Variants in GPC5 observed in about 807,000 individuals in gnomAD.
GPC5 encodes glypican 5.
In GPC5, 47 loss-of-function variants were observed where a neutral mutation model predicts 53.9. The observed-to-expected ratio is 0.87, with a 90% confidence interval of 0.69 to 1.11. GPC5 has a LOEUF of 1.11. GPC5 is among the 50% of genes most tolerant of loss of function. The pLI, the probability that GPC5 is intolerant of heterozygous loss-of-function variation, is 0.00. For missense variants in GPC5, 748 were observed against 713.1 expected (o/e 1.05, Z -0.56); for synonymous variants, 286 against 263.3 (o/e 1.09, Z -0.84).
At chr13:92,404,597 C>A (rs752554615) in intron 7 of GPC5, among the ~76,000 whole-genome samples, 2 of 131,278 alleles carry the variant, frequency 1.5e-5, no homozygotes, top group Non-Finnish European at 3.4e-5. Flanking sequence ...AACAAATATT[C>A]GGTTAATAAA....
intron 5 of GPC5, among the ~76,000 whole-genome samples, chr13:91,854,999 A>T (rs2138899028): frequency 6.6e-6 from 1 of 151,944 alleles, no homozygotes; most frequent in South Asian, 2.1e-4. Context: ...ATGTGAATAC[A>T]TGTATTAAAT....
chr13:92,829,433 T>C (rs1251170724), intron 7 of GPC5, among the ~76,000 whole-genome samples: 1 of 152,348 alleles, frequency 6.6e-6, no homozygotes, highest in South Asian at 2.1e-4. Context: ...AAGATTCATT[T>C]ACTGTTTTCT....
chr13:92,486,599 A>G (rs1879563462), intron 7 of GPC5, among the ~76,000 whole-genome samples: 1 of 152,178 alleles, frequency 6.6e-6, no homozygotes, highest in Admixed American at 6.5e-5. Context: ...TCAACTTTAA[A>G]TTTGTCTTTT....
intron 7 of GPC5, among the ~76,000 whole-genome samples, chr13:92,248,840 T>C (rs929506215): frequency 5.9e-5 from 9 of 152,080 alleles, no homozygotes; most frequent in African/African-American, 2.2e-4. Context: ...TTTTTATTCA[T>C]TATTTTCACT....
intron 7 of GPC5, among the ~76,000 whole-genome samples, chr13:92,760,855 ATTGT>A (rs1332069094): frequency 1.3e-5 from 2 of 152,022 alleles, no homozygotes; most frequent in East Asian, 1.9e-4. Flanking sequence ...CATTTCTATT[ATTGT>A]TTGTTTCAAG....
At chr13:91,670,822 G>A (rs932684891) in intron 2 of GPC5, among the ~76,000 whole-genome samples, 1 of 152,268 alleles carries the variant, frequency 6.6e-6, no homozygotes, top group South Asian at 2.1e-4. Context: ...AGACAGTTCT[G>A]AAAACTGAAC....
chr13:91,676,519 G>A (rs117194791), intron 2 of GPC5, among the ~76,000 whole-genome samples: 3 of 152,296 alleles, frequency 2.0e-5, no homozygotes, highest in Non-Finnish European at 4.4e-5. Flanking sequence ...ATCCTGGGTA[G>A]CAACTTAGAG....
intron 6 of GPC5, among the ~76,000 whole-genome samples, chr13:92,127,411 CA>C (rs1397047432): frequency 3.3e-5 from 5 of 151,448 alleles, no homozygotes; most frequent in African/African-American, 9.7e-5. Flanking sequence ...TGAACTTATA[CA>C]GGGTAAAAAA....
At chr13:92,667,269 A>G (rs1284882806) in intron 7 of GPC5, among the ~76,000 whole-genome samples, 2 of 152,110 alleles carry the variant, frequency 1.3e-5, no homozygotes, top group Non-Finnish European at 2.9e-5. Flanking sequence ...TGAAGCTACT[A>G]AAAAGAGAGG....
At chr13:91,714,306 G>T (rs565806784) in intron 3 of GPC5, among the ~76,000 whole-genome samples, 1 of 152,246 alleles carries the variant, frequency 6.6e-6, no homozygotes, top group South Asian at 2.1e-4. Flanking sequence ...GCAACATTCA[G>T]ATCACAATAC....
At chr13:91,799,402 T>C (rs911869788) in intron 5 of GPC5, among the ~76,000 whole-genome samples, 1 of 152,154 alleles carries the variant, frequency 6.6e-6, no homozygotes, top group African/African-American at 2.4e-5. Context: ...ACTCGGGCAA[T>C]GGGATGAATC....
intron 7 of GPC5, among the ~76,000 whole-genome samples, chr13:92,633,652 A>T (rs536832267): frequency 6.6e-6 from 1 of 152,168 alleles, no homozygotes; most frequent in Non-Finnish European, 1.5e-5. Context: ...TGATTTTCAC[A>T]ATTTTTCAAC....
At chr13:91,606,860 G>A (rs182115706) in intron 2 of GPC5, among the ~76,000 whole-genome samples, 3,916 of 151,300 alleles carry the variant, frequency 0.026, 167 homozygotes, top group African/African-American at 0.089. Context: ...TTCTTTATTA[G>A]TCTTGCTAGC....
At chr13:91,546,316 T>G (rs2030284767) in intron 2 of GPC5, among the ~76,000 whole-genome samples, 2 of 152,106 alleles carry the variant, frequency 1.3e-5, no homozygotes, top group East Asian at 3.9e-4. Flanking sequence ...CTCAAGTGAC[T>G]CTTAAGTCAT....
At chr13:92,695,615 CT>C (rs1195740658) in intron 7 of GPC5, among the ~76,000 whole-genome samples, 1 of 151,768 alleles carries the variant, frequency 6.6e-6, no homozygotes, top group African/African-American at 2.4e-5. Context: ...AGGGAATGCC[CT>C]AAAATAATTA....
chr13:92,646,463 G>T (rs1024569364), intron 7 of GPC5, among the ~76,000 whole-genome samples: 1 of 151,958 alleles, frequency 6.6e-6, no homozygotes, highest in East Asian at 1.9e-4. Flanking sequence ...AATCCTCCAC[G>T]TTTGTTCTTT....
intron 7 of GPC5, among the ~76,000 whole-genome samples, chr13:92,771,280 C>T (rs984605674): frequency 6.6e-6 from 1 of 152,108 alleles, no homozygotes; most frequent in African/African-American, 2.4e-5. Flanking sequence ...ACTCATGCTA[C>T]CCATCTCAAG....
At chr13:91,516,486 T>C (rs1885505738) in intron 2 of GPC5, among the ~76,000 whole-genome samples, 1 of 152,220 alleles carries the variant, frequency 6.6e-6, no homozygotes, top group Non-Finnish European at 1.5e-5. Flanking sequence ...TGGGTTTCCA[T>C]GGTCTTGGAC....
intron 5 of GPC5, among the ~76,000 whole-genome samples, chr13:91,792,740 T>C (rs2037986882): frequency 6.6e-6 from 1 of 152,186 alleles, no homozygotes; most frequent in South Asian, 2.1e-4. Context: ...TCCATGGGCA[T>C]GAGTTTTTCT....
Sources: gnomAD v4.1 joint callset for allele counts (sites outside exome capture counted in the v4.1 genomes callset) on GRCh38, gnomAD v4.1.1 for gene constraint, MANE v1.5 for transcripts, NCBI Gene and HGNC (gene_info 2026-07-23, HGNC 2026-07-21) for gene names.